The following LRRTM4 variants were observed in gnomAD, a reference collection of about 807,000 sequenced individuals.
The protein encoded by LRRTM4 is leucine-rich repeat transmembrane neuronal protein 4.
A neutral mutation model predicts 47.6 loss-of-function variants in LRRTM4; 25 were observed. The observed-to-expected ratio is 0.53, with a 90% CI of 0.38 to 0.73. LRRTM4 has a LOEUF of 0.73. LRRTM4 is among the 30% of genes least tolerant of loss of function. The probability of loss-of-function intolerance (pLI) is 0.00; values close to 1 mark genes in which losing one functional copy is unlikely to be tolerated. For synonymous variants in LRRTM4, 311 were observed against 269.5 expected (o/e 1.15, Z -1.51); for missense variants, 638 against 713.4 (o/e 0.89, Z 1.20).
chr2:77,401,794 TCAAAGACTTA>T (rs1673969716), intron 3 of LRRTM4, among the ~76,000 whole-genome samples: 1 of 151,952 alleles, frequency 6.6e-6, no homozygotes, highest in Admixed American at 6.6e-5. Context: ...AGGTCTATCT[TCAAAGACTTA>T]CAAAAGTCTG....
intron 3 of LRRTM4, among the ~76,000 whole-genome samples, chr2:77,094,979 G>T (rs2103897029): frequency 6.6e-6 from 1 of 152,244 alleles, no homozygotes; most frequent in Non-Finnish European, 1.5e-5. Context: ...AATTAACAGG[G>T]TGAAGAGACA....
intron 3 of LRRTM4, among the ~76,000 whole-genome samples, chr2:76,830,513 T>TGC: frequency 8.0e-6 from 1 of 124,932 alleles, no homozygotes; most frequent in South Asian, 2.7e-4. Context: ...TGGCAGTGTG[T>TGC]GCGTGTGTGT....
chr2:76,836,676 G>T (rs939108073), intron 3 of LRRTM4, among the ~76,000 whole-genome samples: 6 of 151,948 alleles, frequency 3.9e-5, no homozygotes, highest in African/African-American at 1.4e-4. Context: ...GGGAATAAAG[G>T]TTCAGAGATG....
intron 3 of LRRTM4, among the ~76,000 whole-genome samples, chr2:76,994,572 A>C (rs1382428023): frequency 1.3e-5 from 2 of 151,892 alleles, no homozygotes; most frequent in Non-Finnish European, 2.9e-5. Flanking sequence ...TGGCAGGCTA[A>C]CCTATTTGCT....
At chr2:76,945,256 C>A (rs1675283901) in intron 3 of LRRTM4, among the ~76,000 whole-genome samples, 1 of 152,004 alleles carries the variant, frequency 6.6e-6, no homozygotes, top group African/African-American at 2.4e-5. Context: ...AATAAAGCAA[C>A]TAGCGTGCCT....
At chr2:77,205,724 A>G (rs1446141262) in intron 3 of LRRTM4, among the ~76,000 whole-genome samples, 1 of 152,180 alleles carries the variant, frequency 6.6e-6, no homozygotes, top group Non-Finnish European at 1.5e-5. Context: ...GGTTTAGGTT[A>G]TTCGAAAAAT....
chr2:77,158,552 T>A (rs1277997911), intron 3 of LRRTM4, among the ~76,000 whole-genome samples: 2 of 152,148 alleles, frequency 1.3e-5, no homozygotes, highest in African/African-American at 4.8e-5. Flanking sequence ...TTTTGCAATA[T>A]TCTGTTTTCT....
chr2:77,178,561 G>A (rs1673262567), intron 3 of LRRTM4, among the ~76,000 whole-genome samples: 1 of 152,048 alleles, frequency 6.6e-6, no homozygotes. Flanking sequence ...ACTCCAGCCT[G>A]GGCAACAGAG....
intron 3 of LRRTM4, among the ~76,000 whole-genome samples, chr2:77,302,384 T>A (rs1677154446): frequency 6.6e-6 from 1 of 152,204 alleles, no homozygotes; most frequent in African/African-American, 2.4e-5. Flanking sequence ...ATACACTTAT[T>A]TTTAATCACT....
intron 3 of LRRTM4, among the ~76,000 whole-genome samples, chr2:77,017,418 T>C (rs1388317707): frequency 6.6e-6 from 1 of 152,084 alleles, no homozygotes; most frequent in East Asian, 1.9e-4. Flanking sequence ...CATTTATCTT[T>C]TCTTTTTAAT....
In LRRTM4 at chr2:77,006,882, A is replaced by G. The variant is rs1376089812; in HGVS notation, c.1552-257966T>C. On this transcript the variant is annotated intron_variant, in intron 3 of 3. Transcript: ENST00000409884. Reference sequence around the variant, plus strand: ...ACCTTAATCCTGTGGAGACTCGTTAAGTCCAGAGGACAGCAGTTGTACCAA... The same window carrying G: ...ACCTTAATCCTGTGGAGACTCGTTAGGTCCAGAGGACAGCAGTTGTACCAA... Among the ~76,000 whole-genome samples, 4 of 152,150 alleles carry G rather than the reference A, an allele frequency of 2.6e-5. No homozygotes were observed. The East Asian group carries it at 7.7e-4, about 29-fold the overall frequency.
intron 3 of LRRTM4, among the ~76,000 whole-genome samples, chr2:77,044,410 C>T (rs4510248): frequency 0.23 from 34,528 of 151,556 alleles, 4,040 homozygotes; most frequent in East Asian, 0.3. Flanking sequence ...CTCAAAAATG[C>T]TAACTTCTAT....
At chr2:77,142,426 CACAT>C (rs1052776709) in intron 3 of LRRTM4, among the ~76,000 whole-genome samples, 2 of 118,652 alleles carry the variant, frequency 1.7e-5, no homozygotes, top group African/African-American at 8.5e-5. Flanking sequence ...TTACCACACA[CACAT>C]ACACACACAC....
At chr2:77,001,936 C>G (rs1677445548) in intron 3 of LRRTM4, among the ~76,000 whole-genome samples, 1 of 152,108 alleles carries the variant, frequency 6.6e-6, no homozygotes, top group Non-Finnish European at 1.5e-5. Context: ...AACACTCTGC[C>G]CTCCTGCTCC....
Position 77,293,872 on chromosome 2 carries a change from C to T in LRRTM4, c.1551+224446G>A, listed in dbSNP as rs1396708432. On this transcript the variant is annotated intron_variant, in intron 3 of 3. Transcript: ENST00000409884. The stretch of plus-strand genomic sequence containing the variant: ...GTCATAGAGGTAAAACTTTATCAGC[C>T]TATGGTCCCTGAATGACAAAAGGGA... Among the ~76,000 whole-genome samples, 4 of 152,048 alleles carry T rather than the reference C, an allele frequency of 2.6e-5. No homozygotes were observed. The East Asian group carries it at 7.7e-4, about 29-fold the overall frequency.
intron 3 of LRRTM4, among the ~76,000 whole-genome samples, chr2:77,210,301 A>G (rs181080265): frequency 5.1e-4 from 77 of 152,254 alleles, no homozygotes; most frequent in African/African-American, 1.7e-3. Context: ...AGAAACTTAC[A>G]GTTCTAGAAG....
chr2:77,249,224 C>T (rs139688299), intron 3 of LRRTM4, among the ~76,000 whole-genome samples: 6,938 of 151,820 alleles, frequency 0.046, 541 homozygotes, highest in African/African-American at 0.16. Context: ...GTGGTGAGTG[C>T]CTGTAATCCC....
intron 3 of LRRTM4, among the ~76,000 whole-genome samples, chr2:77,344,306 C>T (rs781733771): frequency 3.3e-5 from 5 of 151,668 alleles, no homozygotes; most frequent in South Asian, 2.1e-4. Context: ...ACAGCCATTA[C>T]AATGATGCTT....
chr2:77,288,617 C>T (rs1676729073), intron 3 of LRRTM4, among the ~76,000 whole-genome samples: 1 of 152,028 alleles, frequency 6.6e-6, no homozygotes, highest in Non-Finnish European at 1.5e-5. Flanking sequence ...AGATATAATT[C>T]ATAAGCACGC....
Sources: allele counts gnomAD v4.1 joint callset (sites outside exome capture counted in the v4.1 genomes callset), GRCh38; gene constraint gnomAD v4.1.1; transcripts MANE v1.5; gene names NCBI Gene and HGNC (gene_info 2026-07-23, HGNC 2026-07-21).